Variants in CDH4 observed in about 807,000 individuals in gnomAD.
CDH4 encodes the protein cadherin-4.
Under a neutral mutation model 86.0 loss-of-function variants are expected in CDH4, and 33 were observed. That is an observed-to-expected ratio of 0.38 (90% CI 0.29 to 0.51). The LOEUF is 0.51. CDH4 is among the 20% of genes least tolerant of loss of function. The pLI is 0.86. For missense variants in CDH4, 1,114 were observed against 1,307.4 expected (o/e 0.85, Z 2.28); for synonymous variants, 555 against 549.4 (o/e 1.01, Z -0.14).
chr20:61,857,697 T>C (rs978458940), intron 6 of CDH4, among the ~76,000 whole-genome samples: 2 of 152,242 alleles, frequency 1.3e-5, no homozygotes, highest in Admixed American at 1.3e-4. Context: ...TATTTTGAGA[T>C]AATTGTAGAG....
intron 4 of CDH4, among the ~76,000 whole-genome samples, chr20:61,803,966 C>T (rs1416736594): frequency 2.6e-5 from 4 of 152,228 alleles, no homozygotes; most frequent in East Asian, 1.9e-4. Context: ...GAAGCAGAAA[C>T]GAGTGAAACT....
chr20:61,471,084 A>G (rs1327888909), intron 2 of CDH4, among the ~76,000 whole-genome samples: 1 of 151,842 alleles, frequency 6.6e-6, no homozygotes, highest in Non-Finnish European at 1.5e-5. Flanking sequence ...CTCCTCCTCT[A>G]TTTTTCAGAA....
intron 2 of CDH4, among the ~76,000 whole-genome samples, chr20:61,443,896 C>CTG (rs1226427620): frequency 6.7e-6 from 1 of 149,274 alleles, no homozygotes; most frequent in African/African-American, 2.5e-5. Context: ...GTGTATGTGT[C>CTG]TGTGTGTGTG....
intron 2 of CDH4, among the ~76,000 whole-genome samples, chr20:61,735,754 CTTCT>C (rs1175008026): frequency 6.6e-6 from 1 of 152,194 alleles, no homozygotes; most frequent in Non-Finnish European, 1.5e-5. Context: ...ACATTCCTCT[CTTCT>C]TTCTTCTTTC....
intron 2 of CDH4, among the ~76,000 whole-genome samples, chr20:61,405,275 G>C (rs1008312756): frequency 2.6e-5 from 4 of 151,228 alleles, no homozygotes; most frequent in East Asian, 3.9e-4. Flanking sequence ...CAGTGATTCC[G>C]TAATCCCCCT....
At chr20:61,846,720 A>G (rs1982471432) in intron 5 of CDH4, among the ~76,000 whole-genome samples, 2 of 152,184 alleles carry the variant, frequency 1.3e-5, no homozygotes, top group Non-Finnish European at 2.9e-5. Context: ...GGGGGAGCCA[A>G]CCCTTCAACT....
At chr20:61,514,516 A>G (rs554140642) in intron 2 of CDH4, among the ~76,000 whole-genome samples, 1 of 152,170 alleles carries the variant, frequency 6.6e-6, no homozygotes, top group East Asian at 1.9e-4. Flanking sequence ...CGCTTTTATC[A>G]TGTTACTCAT....
At chr20:61,934,810 A>ACCACCTGC (rs2055160471) in intron 15 of CDH4, among the ~76,000 whole-genome samples, 1 of 150,812 alleles carries the variant, frequency 6.6e-6, no homozygotes, top group Non-Finnish European at 1.5e-5. Flanking sequence ...CTGCCGCCTG[A>ACCACCTGC]CCACCTGCCC....
At chr20:61,362,306 G>T (rs577964176) in intron 2 of CDH4, among the ~76,000 whole-genome samples, 3 of 152,330 alleles carry the variant, frequency 2.0e-5, no homozygotes, top group Admixed American at 2.0e-4. Context: ...CAGCAGGGAA[G>T]GGGAGAGCGG....
intron 2 of CDH4, among the ~76,000 whole-genome samples, chr20:61,604,921 AG>A (rs1159098550): frequency 9.8e-5 from 2 of 20,390 alleles, no homozygotes; most frequent in East Asian, 3.9e-3. Context: ...CTGGAAGGAC[AG>A]GTTCCTGCTG....
At chr20:61,736,440 A>T (rs1220758755) in intron 2 of CDH4, among the ~76,000 whole-genome samples, 1 of 152,092 alleles carries the variant, frequency 6.6e-6, no homozygotes, top group Admixed American at 6.5e-5. Flanking sequence ...TCAGGCTCTC[A>T]CAGAACCTGT....
At chr20:61,545,621 A>G (rs1420644775) in intron 2 of CDH4, among the ~76,000 whole-genome samples, 2 of 151,696 alleles carry the variant, frequency 1.3e-5, no homozygotes, top group African/African-American at 2.4e-5. Flanking sequence ...TTTGTCTTTC[A>G]CTGTCCAGCA....
intron 4 of CDH4, among the ~76,000 whole-genome samples, chr20:61,799,160 C>G (rs1367644562): frequency 2.0e-5 from 3 of 152,152 alleles, no homozygotes; most frequent in South Asian, 2.1e-4. Context: ...TCAAAATAAT[C>G]AGATAATATT....
chr20:61,720,748 C>T (rs1458040888), intron 2 of CDH4, among the ~76,000 whole-genome samples: 1 of 152,078 alleles, frequency 6.6e-6, no homozygotes, highest in East Asian at 1.9e-4. Flanking sequence ...GCTAAACCTC[C>T]CAGCTGCCTC....
chr20:61,875,648 A>G (rs1204744678), intron 7 of CDH4, among the ~76,000 whole-genome samples: 1 of 152,202 alleles, frequency 6.6e-6, no homozygotes, highest in Non-Finnish European at 1.5e-5. Context: ...GGTCAGTCCC[A>G]GCACCTTCAC....
intron 2 of CDH4, among the ~76,000 whole-genome samples, chr20:61,499,105 G>A (rs1397691340): frequency 6.6e-6 from 1 of 152,220 alleles, no homozygotes; most frequent in African/African-American, 2.4e-5. Flanking sequence ...CTCATGGAAA[G>A]GAGCTTCGGA....
chr20:61,410,839 A>T (rs552285108), intron 2 of CDH4, among the ~76,000 whole-genome samples: 1 of 151,572 alleles, frequency 6.6e-6, no homozygotes, highest in South Asian at 2.1e-4. Context: ...TGGTCTGTCC[A>T]TCCATCCATC....
At chr20:61,320,056 T>C (rs1443782148) in intron 2 of CDH4, among the ~76,000 whole-genome samples, 1 of 152,130 alleles carries the variant, frequency 6.6e-6, no homozygotes, top group Non-Finnish European at 1.5e-5. Flanking sequence ...ATAGATCTCA[T>C]GTTAAATGTT....
intron 2 of CDH4, among the ~76,000 whole-genome samples, chr20:61,287,792 G>A (rs917198769): frequency 1.3e-5 from 2 of 152,252 alleles, no homozygotes; most frequent in East Asian, 1.9e-4. Context: ...CGTGAGTCCC[G>A]CACAGGAAGC....
Sources: gnomAD v4.1 joint callset for allele counts (sites outside exome capture counted in the v4.1 genomes callset) on GRCh38, gnomAD v4.1.1 for gene constraint, MANE v1.5 for transcripts, NCBI Gene and HGNC (gene_info 2026-07-23, HGNC 2026-07-21) for gene names.